PRELID2: variants seen among roughly 807,000 people sequenced by gnomAD.
The protein encoded by PRELID2 is PRELI domain containing 2, also known as PRELI domain-containing protein 2.
A neutral mutation model predicts 28.4 loss-of-function variants in PRELID2; 25 were observed. The observed-to-expected ratio is 0.88, with a 90% confidence interval of 0.64 to 1.23. The LOEUF is 1.23. Ranked by LOEUF, PRELID2 falls within the 50% of genes most tolerant of loss-of-function variation. The probability of loss-of-function intolerance (pLI) is 0.00; values close to 1 mark genes in which losing one functional copy is unlikely to be tolerated. For synonymous variants in PRELID2, 76 were observed against 71.6 expected (o/e 1.06, Z -0.31); for missense variants, 201 against 214.4 (o/e 0.94, Z 0.39).
the PRELID2 span, among the ~76,000 whole-genome samples, chr5:145,297,588 T>A: frequency 2.6e-5 from 4 of 152,024 alleles, no homozygotes; most frequent in Non-Finnish European, 5.9e-5. Flanking sequence ...TCACCACTCC[T>A]ATTCAACATA....
the PRELID2 span, among the ~76,000 whole-genome samples, chr5:145,345,188 G>A: frequency 1.8e-4 from 28 of 152,110 alleles, no homozygotes; most frequent in African/African-American, 6.3e-4. Flanking sequence ...TCAGGTATAA[G>A]CAAAGAAGTA....
intron 1 of PRELID2, among the ~76,000 whole-genome samples, chr5:145,745,912 A>T (rs1282524273): frequency 2.0e-5 from 3 of 152,174 alleles, no homozygotes; most frequent in Non-Finnish European, 4.4e-5. Flanking sequence ...TATCCAGCCA[A>T]ACTAAGCTTC....
chr5:145,305,792 C>G, the PRELID2 span, among the ~76,000 whole-genome samples: 1 of 152,140 alleles, frequency 6.6e-6, no homozygotes, highest in African/African-American at 2.4e-5. Flanking sequence ...CACAAAGCAA[C>G]CCTTAACTCC....
At chr5:145,433,090 A>T in the PRELID2 span, among the ~76,000 whole-genome samples, 66 of 152,162 alleles carry the variant, frequency 4.3e-4, no homozygotes, top group Middle Eastern at 3.4e-3. Context: ...GATATTTGGC[A>T]TTTTGTCTCC....
the PRELID2 span, among the ~76,000 whole-genome samples, chr5:145,296,209 A>G: frequency 6.6e-6 from 1 of 151,228 alleles, no homozygotes; most frequent in African/African-American, 2.4e-5. Flanking sequence ...TTATTATTAT[A>G]CTTTAAGTTT....
At chr5:145,697,070 TATATATATATACAC>T (rs1201755819) in intron 1 of PRELID2, among the ~76,000 whole-genome samples, 1 of 121,526 alleles carries the variant, frequency 8.2e-6, no homozygotes, top group Non-Finnish European at 1.6e-5. Context: ...TATATATATA[TATATATATATACAC>T]ACACACACAT....
chr5:145,784,233 T>TA lies in PRELID2; in HGVS notation c.474+12208dup, dbSNP rs11299722. 5.5e-3 allele frequency among the ~76,000 whole-genome samples: 748 copies of TA among 136,256 alleles called. 4 individuals carry two copies. The highest frequency in any genetic ancestry group is 0.019 in the African/African-American group (710 of 36,598). The allele number at this position is 136,256 out of a possible 152,430, so 89.4% of individuals were successfully genotyped here. On this transcript the variant is annotated intron_variant, in intron 5 of 6. Coordinates refer to ENST00000683046, the MANE Select transcript of PRELID2 (RefSeq NM_205846.3). Reference sequence around the variant, plus strand: ...TGAAAGGCAGAGGTTGTGGTGAGCTTAAAAAAAAAAAAAAAAGAAAAGAAA... The same window carrying TA: ...TGAAAGGCAGAGGTTGTGGTGAGCTTAAAAAAAAAAAAAAAAAGAAAAGAAA...
At chr5:145,566,015 T>C (rs1752964531) in intron 1 of PRELID2, among the ~76,000 whole-genome samples, 1 of 152,232 alleles carries the variant, frequency 6.6e-6, no homozygotes, top group Non-Finnish European at 1.5e-5. Context: ...GGTTAAGGAC[T>C]AAGAAGTGGA....
rs183892197 is a variant in PRELID2 at position 145,523,534 on chromosome 5, A to G, written n.71-50219T>C. ...AGTTTGGGAAGATCAAAGTGTAGGC[A>G]TGGCAGGTTTTATTCTGAGGTCTCT... On this transcript the variant is annotated intron_variant and non_coding_transcript_variant, in intron 1 of 2. Transcript: ENST00000510259. 1.9e-4 allele frequency among the ~76,000 whole-genome samples: 29 copies of G among 152,128 alleles called. 1 individual carries two copies. In the East Asian group the frequency reaches 4.3e-3, roughly 22 times the overall value.
the PRELID2 span, chr5:145,337,893 C>A: frequency 3.3e-5 from 5 of 151,094 alleles, no homozygotes; most frequent in African/African-American, 7.3e-5. Flanking sequence ...TGGAAGCTTC[C>A]CAAATCCTGT....
At chr5:145,664,525 G>C (rs1317244712) in intron 1 of PRELID2, among the ~76,000 whole-genome samples, 1 of 152,052 alleles carries the variant, frequency 6.6e-6, no homozygotes, top group Non-Finnish European at 1.5e-5. Flanking sequence ...CAGATCTGAG[G>C]AACACAGCTC....
the PRELID2 span, among the ~76,000 whole-genome samples, chr5:145,445,741 AACACACACACAC>A: frequency 6.7e-6 from 1 of 149,116 alleles, no homozygotes; most frequent in African/African-American, 2.5e-5. Flanking sequence ...TGTCTCACAA[AACACACACACAC>A]ACACACACAC....
intron 1 of PRELID2, among the ~76,000 whole-genome samples, chr5:145,517,679 G>C (rs879966144): frequency 6.6e-6 from 1 of 152,134 alleles, no homozygotes; most frequent in African/African-American, 2.4e-5. Flanking sequence ...CTACTATAAA[G>C]ACACATGCAC....
chr5:145,600,413 A>AGG (rs199718324), intron 1 of PRELID2, among the ~76,000 whole-genome samples: 33 of 118,550 alleles, frequency 2.8e-4, no homozygotes, highest in African/African-American at 1.1e-3. Context: ...AGCTTCTCTC[A>AGG]GGGGGGGAAA....
the PRELID2 span, among the ~76,000 whole-genome samples, chr5:145,249,795 A>G: frequency 6.6e-6 from 1 of 152,254 alleles, no homozygotes; most frequent in East Asian, 1.9e-4. Context: ...CAGAAAAAAG[A>G]CATAATTTTA....
At chr5:145,784,199 GT>G (rs1383562766) in intron 5 of PRELID2, among the ~76,000 whole-genome samples, 1 of 147,126 alleles carries the variant, frequency 6.8e-6, no homozygotes, top group Admixed American at 6.9e-5. Flanking sequence ...CACAAGAATT[GT>G]TTGAATCTGA....
chr5:145,592,173 T>C (rs1311125623), intron 1 of PRELID2, among the ~76,000 whole-genome samples: 1 of 152,084 alleles, frequency 6.6e-6, no homozygotes. Context: ...TCCCACCACT[T>C]TGGGAGGCTG....
At chr5:145,334,514 T>C in the PRELID2 span, among the ~76,000 whole-genome samples, 1 of 152,246 alleles carries the variant, frequency 6.6e-6, no homozygotes, top group Non-Finnish European at 1.5e-5. Context: ...ATCCTTACAA[T>C]ATCATTACAG....
the PRELID2 span, among the ~76,000 whole-genome samples, chr5:145,336,155 T>G: frequency 2.0e-5 from 3 of 152,376 alleles, no homozygotes; most frequent in African/African-American, 7.2e-5. Flanking sequence ...TTGAGTTCAT[T>G]GTAGATTCCG....
Sources: allele counts gnomAD v4.1 joint callset (sites outside exome capture counted in the v4.1 genomes callset), GRCh38; gene constraint gnomAD v4.1.1; transcripts MANE v1.5; gene names NCBI Gene and HGNC (gene_info 2026-07-23, HGNC 2026-07-21).